The following ETV1 variants were observed in gnomAD, a reference collection of about 807,000 sequenced individuals.
ETV1 encodes the protein ETS translocation variant 1.
A neutral mutation model predicts 62.3 loss-of-function variants in ETV1; 27 were observed. That is an observed-to-expected ratio of 0.43 (90% CI 0.32 to 0.60). The LOEUF is 0.60. ETV1 is among the 20% of genes least tolerant of loss of function. The pLI is 0.06. For missense variants in ETV1, 605 were observed against 605.8 expected, an observed-to-expected ratio of 1.00 and a Z score of 0.01; for synonymous variants, 222 against 199.6, an observed-to-expected ratio of 1.11 and a Z score of -0.94.
Position 13,911,457 on chromosome 7 carries a change from G to T in ETV1, c.803-150C>A, listed in dbSNP as rs565662783. ...ACATATAATCAACATTTCAGGCAGG[G>T]CCCACACATGAAATGAAAGAATGAA... On this transcript the variant is annotated intron_variant, in intron 9 of 13. Transcript: ENST00000430479. 8.5e-5 allele frequency: 50 copies of T among 590,608 alleles called. No individual in the cohort carries two copies. The South Asian group carries it at 9.7e-4, about 11-fold the overall frequency. The allele number at this position is 590,608 out of a possible 1,614,324, so 36.6% of individuals were successfully genotyped here. A position where few individuals can be genotyped will look rare whatever the true frequency, so the allele number is the denominator to read the frequency against.
intron 9 of ETV1, among the ~76,000 whole-genome samples, chr7:13,927,061 A>G (rs1216255513): frequency 6.6e-6 from 1 of 152,128 alleles, no homozygotes; most frequent in African/African-American, 2.4e-5. Context: ...TTTTCACAAC[A>G]TTTATGGTGT....
intron 4 of ETV1, 80 bp downstream of exon 4, chr7:13,988,006 G>A (rs1297054091): frequency 3.8e-6 from 3 of 788,746 alleles, no homozygotes; most frequent in Non-Finnish European, 6.7e-6. Flanking sequence ...TTTAAGATAA[G>A]ACTGAAGTGC....
In ETV1 at chr7:13,905,693, C is replaced by T. The variant is rs377565517; in HGVS notation, c.1110+737G>A. 5.6e-4 allele frequency among the ~76,000 whole-genome samples: 85 copies of T among 152,228 alleles called. 1 individual carries two copies. Among genetic ancestry groups the T allele is most frequent in the East Asian group, 1.5e-3 (8 of 5,162 alleles). On this transcript the variant is annotated intron_variant, in intron 12 of 13. Coordinates refer to ENST00000430479, the MANE Select transcript of ETV1 (RefSeq NM_004956.5). ...ATTGAAGTTAGTTGAAGGTGTCCTC[C>T]ATTTCTCTGTACAGTATTATCTCTG... is the stretch of plus-strand genomic sequence containing the variant.
At chr7:13,946,632 G>A (rs1788198574) in intron 6 of ETV1, among the ~76,000 whole-genome samples, 1 of 152,146 alleles carries the variant, frequency 6.6e-6, no homozygotes, top group South Asian at 2.1e-4. Context: ...TATTCTACCA[G>A]AGGATAGAAA....
At chr7:13,901,393 A>C (rs990341803) in intron 12 of ETV1, among the ~76,000 whole-genome samples, 3 of 152,206 alleles carry the variant, frequency 2.0e-5, no homozygotes, top group Admixed American at 1.3e-4. Flanking sequence ...TACAAAATTA[A>C]ATGGAAATAA....
chr7:13,970,016 G>A (rs1164285723), intron 6 of ETV1, among the ~76,000 whole-genome samples: 1 of 152,020 alleles, frequency 6.6e-6, no homozygotes, highest in Non-Finnish European at 1.5e-5. Context: ...CAGCACTTTG[G>A]GAGGCCGAGG....
rs1401634183 is a variant in ETV1, at chr7:13,976,874, C to T, written c.235+553G>A. Among the ~76,000 whole-genome samples, 5 of 152,266 alleles carry T rather than the reference C, an allele frequency of 3.3e-5. No homozygotes were observed. In the East Asian group the frequency reaches 9.6e-4, roughly 29 times the overall value. On this transcript the variant is annotated intron_variant, in intron 6 of 13. Coordinates refer to ENST00000430479, the MANE Select transcript of ETV1 (RefSeq NM_004956.5). Reference sequence around the variant, plus strand: ...GAAGAACCCTGAGAGAAGCCAATGGCTGCTTCCATTTGTGCTACTGCAACC... The same window carrying T: ...GAAGAACCCTGAGAGAAGCCAATGGTTGCTTCCATTTGTGCTACTGCAACC...
intron 7 of ETV1, among the ~76,000 whole-genome samples, chr7:13,936,558 A>C (rs1786822281): frequency 6.6e-6 from 1 of 152,224 alleles, no homozygotes; most frequent in African/African-American, 2.4e-5. Flanking sequence ...ATTATAGTCT[A>C]ACTTCTAAAC....
chr7:13,944,994 G>A (rs967224941), intron 6 of ETV1, among the ~76,000 whole-genome samples: 2 of 152,098 alleles, frequency 1.3e-5, no homozygotes, highest in Non-Finnish European at 2.9e-5. Context: ...AAGAGGCAGG[G>A]AATAGATTCC....
chr7:13,927,345 G>A (rs976135781), intron 9 of ETV1, among the ~76,000 whole-genome samples: 10 of 152,064 alleles, frequency 6.6e-5, no homozygotes, highest in Admixed American at 4.6e-4. Flanking sequence ...CCAACTACTC[G>A]GGAGGCTGAG....
chr7:13,987,458 G>A (rs2357846), intron 4 of ETV1, among the ~76,000 whole-genome samples: 76,728 of 151,964 alleles, frequency 0.5, 19,628 homozygotes, highest in Admixed American at 0.6. Context: ...AAAATAATTT[G>A]TAACATACTG....
At chr7:13,905,542 G>A (rs1030540172) in intron 12 of ETV1, among the ~76,000 whole-genome samples, 6 of 152,118 alleles carry the variant, frequency 3.9e-5, no homozygotes, top group Non-Finnish European at 7.3e-5. Context: ...TGCTATTGAT[G>A]AGTTATGCTA....
chr7:13,907,640 G>A (rs937775009), intron 11 of ETV1, among the ~76,000 whole-genome samples: 2 of 152,092 alleles, frequency 1.3e-5, no homozygotes, highest in Non-Finnish European at 2.9e-5. Flanking sequence ...ATTGGGGATT[G>A]AGTGTCTAGG....
At position 13,986,631 on chromosome 7, in the gene ETV1, G is replaced by A. The variant is rs781087573; in HGVS notation, c.181+7C>T. On this transcript the variant is annotated splice_region_variant and intron_variant, in intron 5 of 13. Transcript: ENST00000430479. ...TTTCCCCCCTTTTAAAGCAAATTTTGCCTTACCTTCTGCAAGCCATGTTTC... is the reference window on the plus strand; with the variant it reads ...TTTCCCCCCTTTTAAAGCAAATTTTACCTTACCTTCTGCAAGCCATGTTTC... 3 of 1,611,550 alleles carry A rather than the reference G, an allele frequency of 1.9e-6. No homozygotes were observed. Among genetic ancestry groups the A allele is most frequent in the Non-Finnish European group, 2.5e-6 (3 of 1,178,932 alleles).
chr7:13,936,025 T>C, intron 7 of ETV1, 129 bp from the exon 8 acceptor site: 2 of 711,612 alleles, frequency 2.8e-6, no homozygotes, highest in Non-Finnish European at 4.6e-6. Flanking sequence ...TTGTTGTTGC[T>C]ATTGTTGTTT....
At chr7:13,925,715 G>A (rs1785340126) in intron 9 of ETV1, among the ~76,000 whole-genome samples, 1 of 150,336 alleles carries the variant, frequency 6.7e-6, no homozygotes, top group Non-Finnish European at 1.5e-5. Flanking sequence ...ACAGGGACCC[G>A]CCACTGCGCC....
Position 13,939,086 on chromosome 7 carries a change from T to A in ETV1, c.365+31A>T, listed in dbSNP as rs767591928. The A allele has an allele frequency of 4.4e-6, 7 of 1,591,740 alleles. No homozygotes were observed. In the Admixed American group the frequency reaches 1.3e-4, roughly 30 times the overall value. On this transcript the variant is annotated intron_variant, in intron 7 of 13. Coordinates refer to ENST00000430479, the MANE Select transcript of ETV1 (RefSeq NM_004956.5). ...GACTTTTTGATTCAATAAGAACCACTATCCTACATACATACACCTGGTGGC... is the reference window on the plus strand; with the variant it reads ...GACTTTTTGATTCAATAAGAACCACAATCCTACATACATACACCTGGTGGC...
In ETV1 at chr7:13,931,665, G is replaced by C; in HGVS notation, c.639C>G (p.Arg213=). ...AGGGGATGTTTGGCTCAGACATCTG[G>C]CGTTGGTACATAGGACGTCCTTCCC... is the stretch of plus-strand genomic sequence containing the variant. ...MPREGRPMYQ[R]QMSEPNIPFP... Residue 213 remains arginine (R), a synonymous_variant, in exon 9 of 14, where the codon CGC becomes CGG. Transcript: ENST00000430479. 1 of 1,613,968 alleles carries C rather than the reference G, an allele frequency of 6.2e-7. No homozygotes were observed. Among genetic ancestry groups the C allele is most frequent in the African/African-American group, 1.3e-5 (1 of 75,066 alleles).
In ETV1 at chr7:13,911,242, C is replaced by T. The variant is rs1389115367; in HGVS notation, c.868G>A (p.Glu290Lys). 4 of 1,611,572 alleles carry T rather than the reference C, an allele frequency of 2.5e-6. No homozygotes were observed. In the Admixed American group the frequency reaches 5.0e-5, roughly 20 times the overall value. The change falls in exon 10 of 14, where the codon GAA becomes AAA. Residue 290 changes from glutamate (E) to lysine (K), a missense_variant. Around this residue, in one of 3 missense-constraint regions of ETV1, gnomAD observed 426 missense variants for 377.8 expected, o/e 1.13. Transcript: ENST00000430479. ...EGFLAHPSRT[E>K]GCMFEKGPRQ... ...ATTTCAGTGGTGGACAACTTAACTT[C>T]TGTTCTGCTGGGATGAGCCAGGAAG...
Sources: gnomAD v4.1 joint callset for allele counts (sites outside exome capture counted in the v4.1 genomes callset) on GRCh38, gnomAD v4.1.1 for gene constraint, gnomAD v4.1.1 regional missense constraint, MANE v1.5 for transcripts, NCBI Gene and HGNC (gene_info 2026-07-23, HGNC 2026-07-21) for gene names.